The following LAMA2 variants were observed in gnomAD, a reference collection of about 807,000 sequenced individuals.
The protein encoded by LAMA2 is laminin subunit alpha-2.
Under a neutral mutation model 364.8 loss-of-function variants are expected in LAMA2, and 269 were observed. The ratio of observed to expected loss-of-function variants is 0.74; its 90% CI spans 0.67 to 0.82. The LOEUF (loss-of-function observed/expected upper bound fraction) is 0.82, where lower values mean the gene tolerates loss of function less well. Ranked by LOEUF, LAMA2 falls within the 40% of genes least tolerant of loss-of-function variation. The pLI is 0.00. For synonymous variants in LAMA2, 1,379 were observed against 1,370.6 expected (o/e 1.01, Z -0.14); for missense variants, 3,807 against 3,873.2 (o/e 0.98, Z 0.45).
intron 47 of LAMA2, among the ~76,000 whole-genome samples, chr6:129,455,176 C>A (rs960576765): frequency 2.6e-5 from 4 of 151,906 alleles, no homozygotes; most frequent in African/African-American, 9.7e-5. Flanking sequence ...AGGCTGTGGT[C>A]CATGATGATC....
chr6:129,467,459 T>C (rs1022686492), intron 51 of LAMA2, among the ~76,000 whole-genome samples: 2 of 151,840 alleles, frequency 1.3e-5, no homozygotes, highest in East Asian at 1.9e-4. Flanking sequence ...TTCACTCTTA[T>C]GCAATATATC....
rs754506695 is a variant in LAMA2 at position 129,507,533 on chromosome 6, A to C, written c.8748A>C (p.Ala2916=). The C allele has an allele frequency of 5.6e-6, 9 of 1,614,046 alleles. No homozygotes were observed. The Admixed American group carries it at 1.0e-4, about 18-fold the overall frequency. The part of the protein sequence containing the change: ...IDGCVRNLHM[A]EAPADLEQPT... ...GCTGCGTCAGGAATCTCCACATGGC[A>C]GAGGCCCCTGCCGATCTGGAACAAC... Residue 2916 remains alanine (A), a synonymous_variant, in exon 62 of 65, where the codon GCA becomes GCC. Coordinates refer to ENST00000421865, the MANE Select transcript of LAMA2 (RefSeq NM_000426.4).
At chr6:129,168,396 T>A (rs1419346666) in intron 9 of LAMA2, among the ~76,000 whole-genome samples, 1 of 152,228 alleles carries the variant, frequency 6.6e-6, no homozygotes, top group Non-Finnish European at 1.5e-5. Flanking sequence ...TAGCCAGTTC[T>A]CCCAGCACCA....
chr6:129,144,507 C>T (rs1778316761), intron 5 of LAMA2, among the ~76,000 whole-genome samples: 1 of 151,898 alleles, frequency 6.6e-6, no homozygotes, highest in African/African-American at 2.4e-5. Flanking sequence ...CCAGTATACA[C>T]ACATGCACAC....
intron 1 of LAMA2, among the ~76,000 whole-genome samples, chr6:128,911,014 A>G (rs372485534): frequency 4.2e-4 from 63 of 151,126 alleles, no homozygotes; most frequent in Admixed American, 7.2e-4. Context: ...CCAGCTGCGT[A>G]CTGGGAGAAC....
intron 1 of LAMA2, among the ~76,000 whole-genome samples, chr6:128,923,476 C>T (rs4897281): frequency 0.9 from 135,741 of 151,344 alleles, 61,238 homozygotes; most frequent in African/African-American, 0.96. Context: ...TTGTTTTAAG[C>T]CACCTAGTTT....
At chr6:129,304,303 C>A (rs1244366304) in intron 22 of LAMA2, among the ~76,000 whole-genome samples, 1 of 152,040 alleles carries the variant, frequency 6.6e-6, no homozygotes, top group Admixed American at 6.6e-5. Context: ...CTTGCTCTGA[C>A]CCCCAGGCTC....
chr6:129,497,286 G>A (rs1785264808), intron 58 of LAMA2, among the ~76,000 whole-genome samples: 1 of 151,960 alleles, frequency 6.6e-6, no homozygotes, highest in Admixed American at 6.6e-5. Context: ...CACCCAGGCT[G>A]GTGTGCAGTG....
chr6:129,391,484 C>G lies in LAMA2; in HGVS notation c.5072-7C>G, dbSNP rs374134281. ...CTAATTTACAAAATTTGTTTTACCC[C>G]CTGCAGCTGTAAATGAAAAAGCTAT... On this transcript the variant is annotated splice_region_variant and splice_polypyrimidine_tract_variant and intron_variant, in intron 35 of 64. Transcript: ENST00000421865. 5.0e-6 allele frequency: 8 copies of G among 1,612,472 alleles called. No homozygotes were observed. Among genetic ancestry groups the G allele is most frequent in the African/African-American group, 1.3e-5 (1 of 74,844 alleles).
chr6:129,170,745 C>T (rs895781865), intron 9 of LAMA2, among the ~76,000 whole-genome samples: 3 of 151,948 alleles, frequency 2.0e-5, no homozygotes, highest in East Asian at 3.9e-4. Flanking sequence ...CTTTCTGTCT[C>T]GTTGATCTGT....
rs1778518412 is a variant in LAMA2, at chr6:129,147,281, T to C, written c.909+233T>C. On this transcript the variant is annotated intron_variant, in intron 6 of 64. Transcript: ENST00000421865. The stretch of plus-strand genomic sequence containing the variant: ...AGTTTTTCCTTTTTTTTTTTTTTTT[T>C]CAAAAAGGCTCCAAACTGGTCTATT... Among the ~76,000 whole-genome samples the C allele has an allele frequency of 5.3e-5, 8 of 150,490 alleles. No homozygotes were observed. The South Asian group carries it at 1.5e-3, about 27-fold the overall frequency.
chr6:129,078,944 T>C (rs1773844059), intron 3 of LAMA2, among the ~76,000 whole-genome samples: 2 of 152,226 alleles, frequency 1.3e-5, no homozygotes, highest in African/African-American at 4.8e-5. Flanking sequence ...TCTTCGAGAT[T>C]CTTCCACGTT....
intron 9 of LAMA2, among the ~76,000 whole-genome samples, chr6:129,167,276 G>C (rs1458202692): frequency 2.0e-5 from 3 of 150,022 alleles, no homozygotes; most frequent in Non-Finnish European, 4.4e-5. Flanking sequence ...TCGTCATCTA[G>C]CATTAGGTAT....
chr6:129,101,481 A>C (rs1057039254), intron 4 of LAMA2, among the ~76,000 whole-genome samples: 1 of 152,010 alleles, frequency 6.6e-6, no homozygotes, highest in Non-Finnish European at 1.5e-5. Context: ...TATCTTTTGG[A>C]GTGACTTTTC....
At chr6:129,269,080 A>G (rs1449765545) in intron 16 of LAMA2, among the ~76,000 whole-genome samples, 1 of 152,148 alleles carries the variant, frequency 6.6e-6, no homozygotes, top group Non-Finnish European at 1.5e-5. Flanking sequence ...ATAAATTTAT[A>G]AAGCTTAACT....
chr6:129,314,123 G>T (rs184800703), intron 23 of LAMA2, among the ~76,000 whole-genome samples: 1 of 152,226 alleles, frequency 6.6e-6, no homozygotes, highest in Non-Finnish European at 1.5e-5. Flanking sequence ...TGTACAGGCC[G>T]GGCGTGGTGG....
rs546362996 is a variant in LAMA2 at position 129,260,795 on chromosome 6, A to C, written c.2181A>C (p.Pro727=). The C allele has an allele frequency of 1.6e-5, 26 of 1,608,088 alleles. No homozygotes were observed. Among genetic ancestry groups the C allele is most frequent in the Non-Finnish European group, 2.1e-5 (25 of 1,174,756 alleles). ...CAGCTGTAGAAGTGTGTCAGTGCCC[A>C]CCAGGGTATACTGGCTCCTCTTGTG... ...IAAAVEVCQC[P]PGYTGSSCES... The change falls in exon 15 of 65, where the codon CCA becomes CCC. Residue 727 remains proline (P), a synonymous_variant. Coordinates refer to ENST00000421865, the MANE Select transcript of LAMA2 (RefSeq NM_000426.4).
intron 33 of LAMA2, among the ~76,000 whole-genome samples, chr6:129,369,449 G>A (rs181344057): frequency 6.6e-5 from 10 of 152,052 alleles, no homozygotes; most frequent in South Asian, 2.1e-4. Flanking sequence ...AAGGCCTGCC[G>A]TTCTCTTTTT....
chr6:129,339,715 G>A (rs1407721795), intron 29 of LAMA2, among the ~76,000 whole-genome samples: 2 of 152,162 alleles, frequency 1.3e-5, no homozygotes, highest in Non-Finnish European at 2.9e-5. Context: ...TCTTAAAGAA[G>A]CCATGGGGGC....
Sources: gnomAD v4.1 joint callset for allele counts (sites outside exome capture counted in the v4.1 genomes callset) on GRCh38, gnomAD v4.1.1 for gene constraint, MANE v1.5 for transcripts, NCBI Gene and HGNC (gene_info 2026-07-23, HGNC 2026-07-21) for gene names.